Variants in CSMD1 observed in about 807,000 individuals in gnomAD.
The protein encoded by CSMD1 is CUB and sushi domain-containing protein 1.
CSMD1 carries 213 observed loss-of-function variants against 417.5 expected under a neutral mutation model. The ratio of observed to expected loss-of-function variants is 0.51; its 90% CI spans 0.46 to 0.57. CSMD1 has a LOEUF of 0.57. Among genes scored for constraint, CSMD1 ranks in the 20% least tolerant of loss-of-function variants. CSMD1 has a pLI of 0.00. For synonymous variants in CSMD1, 2,862 were observed against 1,736.8 expected (o/e 1.65, Z -16.11); for missense variants, 6,923 against 4,529.7 (o/e 1.53, Z -15.17).
intron 2 of CSMD1, among the ~76,000 whole-genome samples, chr8:4,573,291 G>A (rs996568522): frequency 4.6e-5 from 7 of 152,124 alleles, no homozygotes; most frequent in African/African-American, 1.7e-4. Context: ...GATGACCTTT[G>A]GATGGGATTT....
chr8:4,163,355 T>C (rs1180405308), intron 3 of CSMD1, among the ~76,000 whole-genome samples: 5 of 152,198 alleles, frequency 3.3e-5, no homozygotes, highest in African/African-American at 4.8e-5. Context: ...CCATCAGCCA[T>C]AACTCAGAGT....
intron 6 of CSMD1, among the ~76,000 whole-genome samples, chr8:3,726,192 C>T (rs1027248591): frequency 3.3e-5 from 5 of 152,168 alleles, no homozygotes; most frequent in Non-Finnish European, 7.3e-5. Context: ...TCTTGGAACT[C>T]AGCCTCCGTT....
chr8:4,030,483 C>T (rs1024632319), intron 4 of CSMD1, among the ~76,000 whole-genome samples: 1 of 152,182 alleles, frequency 6.6e-6, no homozygotes, highest in Non-Finnish European at 1.5e-5. Context: ...CCCCTTTCAG[C>T]CACAGTTGGA....
intron 7 of CSMD1, among the ~76,000 whole-genome samples, chr8:3,656,923 T>TA (rs5888980): frequency 0.53 from 74,861 of 142,332 alleles, 19,648 homozygotes; most frequent in African/African-American, 0.67. Context: ...AGACTCTGTC[T>TA]AAAAAAAAAA....
intron 5 of CSMD1, among the ~76,000 whole-genome samples, chr8:3,832,551 G>A (rs1043167053): frequency 1.3e-5 from 2 of 152,008 alleles, no homozygotes; most frequent in African/African-American, 4.8e-5. Context: ...GTATATGTCT[G>A]AAGCAAAATC....
chr8:4,702,971 G>C (rs1034207014), intron 1 of CSMD1, among the ~76,000 whole-genome samples: 1 of 152,066 alleles, frequency 6.6e-6, no homozygotes. Context: ...ACTTTTAAAA[G>C]TAGGTACTCT....
intron 3 of CSMD1, among the ~76,000 whole-genome samples, chr8:4,220,013 G>A (rs577705575): frequency 9.2e-5 from 14 of 152,046 alleles, no homozygotes; most frequent in Middle Eastern, 6.3e-3. Flanking sequence ...GCAGTGGTGC[G>A]ATCTAGGCTG....
At chr8:3,697,326 T>C (rs1446463472) in intron 7 of CSMD1, among the ~76,000 whole-genome samples, 1 of 152,216 alleles carries the variant, frequency 6.6e-6, no homozygotes, top group Non-Finnish European at 1.5e-5. Context: ...ACCTTTAAAA[T>C]GTGTTTTAAA....
Position 2,963,366 on chromosome 8 carries a change from G to T in CSMD1, c.9310C>A (p.Gln3104Lys), listed in dbSNP as rs528439976. The T allele has an allele frequency of 2.5e-6, 4 of 1,613,922 alleles. No homozygotes were observed. Among genetic ancestry groups the T allele is most frequent in the Admixed American group, 1.7e-5 (1 of 60,016 alleles). Reference protein sequence around the residue: ...AVLCPQPPPVQNGTVEGSDFR... With the variant: ...AVLCPQPPPVKNGTVEGSDFR... ...TCACTTCCCTCCACTGTTCCATTCT[G>T]CACCGGCGGCGGCTGAGGACACAGC... The change falls in exon 60 of 70, where the codon CAG (glutamine) becomes AAG (lysine). Residue 3104 changes from glutamine to lysine, a missense_variant. Physicochemically the swap from Gln to Lys is moderately conservative, Grantham distance 53 (BLOSUM62 1). Coordinates refer to ENST00000635120, the MANE Select transcript of CSMD1 (RefSeq NM_033225.6).
At chr8:4,390,288 C>T (rs947026981) in intron 3 of CSMD1, among the ~76,000 whole-genome samples, 1 of 151,886 alleles carries the variant, frequency 6.6e-6, no homozygotes, top group East Asian at 1.9e-4. Context: ...TCACGAGGAG[C>T]AATCAAGTTA....
At chr8:4,120,629 G>A (rs1159784810) in intron 3 of CSMD1, among the ~76,000 whole-genome samples, 2 of 152,340 alleles carry the variant, frequency 1.3e-5, no homozygotes, top group South Asian at 2.1e-4. Context: ...CTGTGTACCT[G>A]CCACTGGCCT....
chr8:2,994,823 A>G (rs1472640948), intron 54 of CSMD1, among the ~76,000 whole-genome samples: 1 of 152,208 alleles, frequency 6.6e-6, no homozygotes, highest in East Asian at 1.9e-4. Flanking sequence ...AATTTAATAA[A>G]TTACCATATT....
chr8:3,773,284 G>C (rs995410121), intron 5 of CSMD1, among the ~76,000 whole-genome samples: 2 of 152,102 alleles, frequency 1.3e-5, no homozygotes, highest in Admixed American at 1.3e-4. Context: ...GGATATAATA[G>C]GTTTGGGGAG....
chr8:3,713,438 C>T (rs1585119419), intron 6 of CSMD1, among the ~76,000 whole-genome samples: 1 of 152,118 alleles, frequency 6.6e-6, no homozygotes, highest in South Asian at 2.1e-4. Flanking sequence ...CTAGCTGGAG[C>T]GTCCTGCCCT....
At position 3,745,642 on chromosome 8, in the gene CSMD1, G is replaced by C. The variant is rs138679454; in HGVS notation, c.931+8288C>G. 5.9e-5 allele frequency among the ~76,000 whole-genome samples: 9 copies of C among 152,312 alleles called. No individual in the cohort carries two copies. In the East Asian group the frequency reaches 1.7e-3, roughly 29 times the overall value. ...ACTCCACTGAGACTCTGAAGCATTT[G>C]TCTTTTCACAAGGGGCATGAATCCC... On this transcript the variant is annotated intron_variant, in intron 6 of 69. Transcript: ENST00000635120.
chr8:4,765,771 A>C (rs981591404), intron 1 of CSMD1, among the ~76,000 whole-genome samples: 2 of 152,212 alleles, frequency 1.3e-5, no homozygotes, highest in African/African-American at 4.8e-5. Flanking sequence ...GATAATTTCC[A>C]TAATAGAGAG....
intron 1 of CSMD1, among the ~76,000 whole-genome samples, chr8:4,812,718 A>T (rs2117341857): frequency 6.6e-6 from 1 of 152,362 alleles, no homozygotes; most frequent in South Asian, 2.1e-4. Context: ...AAATACTATT[A>T]AAAGAAATTG....
chr8:4,454,587 A>G lies in CSMD1; in HGVS notation c.303-34522T>C, dbSNP rs116269744. On this transcript the variant is annotated intron_variant, in intron 2 of 69. Transcript: ENST00000635120. ...AGTAGACCCAATGCAGCACTGATTT[A>G]GGGCTGGCTGGGGAAGGAGGGCATA... Among the ~76,000 whole-genome samples, 9 of 152,338 alleles carry G rather than the reference A, an allele frequency of 5.9e-5. No individual in the cohort carries two copies. The South Asian group carries it at 1.9e-3, about 32-fold the overall frequency.
chr8:4,991,549 G>A (rs934518195), intron 1 of CSMD1, among the ~76,000 whole-genome samples: 2 of 152,148 alleles, frequency 1.3e-5, no homozygotes, highest in Non-Finnish European at 2.9e-5. Flanking sequence ...CGCCACCCGG[G>A]CGCGCGCGGC....
Sources: allele counts gnomAD v4.1 joint callset (sites outside exome capture counted in the v4.1 genomes callset), GRCh38; gene constraint gnomAD v4.1.1; transcripts MANE v1.5; gene names NCBI Gene and HGNC (gene_info 2026-07-23, HGNC 2026-07-21).